Variants in ERBB4 observed in about 807,000 individuals in gnomAD.
ERBB4 encodes erb-b2 receptor tyrosine kinase 4.
Under a neutral mutation model 158.0 loss-of-function variants are expected in ERBB4, and 42 were observed. The observed-to-expected ratio is 0.27, with a 90% CI of 0.21 to 0.34. The LOEUF is 0.34. Ranked by LOEUF, ERBB4 falls within the 10% of genes least tolerant of loss-of-function variation. ERBB4 has a pLI of 1.00. For synonymous variants in ERBB4, 583 were observed against 558.7 expected (o/e 1.04, Z -0.61); for missense variants, 1,333 against 1,624.1 (o/e 0.82, Z 3.08).
At chr2:211,540,188 TTATA>T (rs571359851) in intron 20 of ERBB4, among the ~76,000 whole-genome samples, 1 of 143,908 alleles carries the variant, frequency 6.9e-6, no homozygotes. Context: ...CCTACATGAT[TTATA>T]TATATATATA....
rs2069736344 is a variant in ERBB4, at chr2:211,623,996, G to T, written c.2128C>A (p.Leu710Ile). 1 of 1,613,930 alleles carries T rather than the reference G, an allele frequency of 6.2e-7. No individual in the cohort carries two copies. The highest frequency in any genetic ancestry group is 1.3e-5 in the African/African-American group (1 of 74,904). Residue 710 changes from leucine (L) to isoleucine (I), a missense_variant, in exon 18 of 28, where the codon CTT becomes ATT. Leu to Ile is a conservative substitution (Grantham distance 5). Around this residue, in one of 5 missense-constraint regions of ERBB4, gnomAD observed 314 missense variants for 437.6 expected, o/e 0.72. Coordinates refer to ENST00000342788, the MANE Select transcript of ERBB4 (RefSeq NM_005235.3). ...AGCTCAGTTTCTTTCAAAATACGAAGTTGAGCTTGATTGGGTGCTGTGCCA... is the reference window on the plus strand; with the variant it reads ...AGCTCAGTTTCTTTCAAAATACGAATTTGAGCTTGATTGGGTGCTGTGCCA... Reference protein sequence around the residue: ...PSGTAPNQAQLRILKETELKR... With the variant: ...PSGTAPNQAQIRILKETELKR...
intron 1 of ERBB4, among the ~76,000 whole-genome samples, chr2:212,181,402 C>T (rs1251563919): frequency 6.6e-6 from 1 of 151,504 alleles, no homozygotes. Context: ...GGTTGCCACA[C>T]CACAGAATTA....
intron 20 of ERBB4, among the ~76,000 whole-genome samples, chr2:211,461,971 A>G (rs910788765): frequency 1.3e-5 from 2 of 152,126 alleles, no homozygotes; most frequent in African/African-American, 4.8e-5. Context: ...TGGTTTTGCC[A>G]TTTTATGGCA....
chr2:212,006,806 A>G (rs992121340), intron 2 of ERBB4, among the ~76,000 whole-genome samples: 8 of 152,094 alleles, frequency 5.3e-5, no homozygotes, highest in African/African-American at 1.7e-4. Flanking sequence ...TTAAAAAAGA[A>G]AAAAGAATTC....
chr2:211,831,391 G>A (rs558919196), intron 3 of ERBB4, among the ~76,000 whole-genome samples: 1 of 152,206 alleles, frequency 6.6e-6, no homozygotes, highest in African/African-American at 2.4e-5. Context: ...TCAGGGTCTT[G>A]TTAAAAACTT....
intron 2 of ERBB4, among the ~76,000 whole-genome samples, chr2:212,017,885 A>G (rs963970550): frequency 3.9e-5 from 6 of 152,042 alleles, no homozygotes; most frequent in Non-Finnish European, 8.8e-5. Flanking sequence ...CACACTGAAA[A>G]TTTTCTATCT....
intron 12 of ERBB4, among the ~76,000 whole-genome samples, chr2:211,701,608 A>G (rs1447844706): frequency 6.6e-6 from 1 of 151,640 alleles, no homozygotes; most frequent in Non-Finnish European, 1.5e-5. Context: ...TACCAAAAAA[A>G]TTAGCCGGGC....
At chr2:212,228,388 T>A (rs556040585) in intron 1 of ERBB4, among the ~76,000 whole-genome samples, 2 of 152,256 alleles carry the variant, frequency 1.3e-5, no homozygotes, top group South Asian at 4.1e-4. Context: ...ATACACAGTA[T>A]TGAGTTATGA....
At chr2:211,410,852 G>T (rs565094653) in intron 25 of ERBB4, among the ~76,000 whole-genome samples, 2 of 152,168 alleles carry the variant, frequency 1.3e-5, no homozygotes, top group Admixed American at 1.3e-4. Context: ...AGGAAGTCAG[G>T]GATAAATTAA....
At chr2:212,101,922 C>T (rs2079095852) in intron 2 of ERBB4, among the ~76,000 whole-genome samples, 1 of 151,460 alleles carries the variant, frequency 6.6e-6, no homozygotes, top group Non-Finnish European at 1.5e-5. Context: ...GTACATTTAC[C>T]TCCTTTCGGT....
At chr2:212,478,460 T>C (rs1343455938) in intron 1 of ERBB4, among the ~76,000 whole-genome samples, 2 of 151,618 alleles carry the variant, frequency 1.3e-5, no homozygotes, top group Non-Finnish European at 2.9e-5. Flanking sequence ...GCAAAAGTTA[T>C]GAATAAATAT....
At chr2:212,230,570 A>G (rs927476018) in intron 1 of ERBB4, among the ~76,000 whole-genome samples, 3 of 152,220 alleles carry the variant, frequency 2.0e-5, no homozygotes, top group African/African-American at 7.2e-5. Context: ...ATGTTAAAAT[A>G]CAGAAAATAT....
intron 2 of ERBB4, among the ~76,000 whole-genome samples, chr2:212,054,984 A>C (rs2077510574): frequency 6.6e-6 from 1 of 152,098 alleles, no homozygotes; most frequent in Non-Finnish European, 1.5e-5. Flanking sequence ...ACTGAGCGAG[A>C]GCCAAAGTAG....
chr2:212,451,286 A>G (rs1271965732), intron 1 of ERBB4, among the ~76,000 whole-genome samples: 1 of 152,342 alleles, frequency 6.6e-6, no homozygotes, highest in East Asian at 1.9e-4. Context: ...CACTGTGTAT[A>G]CAAAATGAAA....
chr2:212,515,482 A>C (rs1357479777), intron 1 of ERBB4, among the ~76,000 whole-genome samples: 3 of 152,056 alleles, frequency 2.0e-5, no homozygotes, highest in Non-Finnish European at 2.9e-5. Context: ...AATTCATGCT[A>C]TCATATAAAA....
At chr2:212,347,084 G>T (rs1224583808) in intron 1 of ERBB4, among the ~76,000 whole-genome samples, 1 of 152,048 alleles carries the variant, frequency 6.6e-6, no homozygotes, top group Non-Finnish European at 1.5e-5. Flanking sequence ...TGCTAACATT[G>T]TAAGATACAG....
chr2:211,935,649 C>T (rs763642642), intron 3 of ERBB4, among the ~76,000 whole-genome samples: 17 of 152,066 alleles, frequency 1.1e-4, no homozygotes, highest in Non-Finnish European at 1.9e-4. Context: ...AGGTCACCAG[C>T]ATCCGAGGGT....
At chr2:212,367,629 C>G (rs2089938809) in intron 1 of ERBB4, among the ~76,000 whole-genome samples, 1 of 152,050 alleles carries the variant, frequency 6.6e-6, no homozygotes, top group African/African-American at 2.4e-5. Context: ...GCAAAAGGAA[C>G]AGTCAGCAGA....
chr2:211,407,782 G>T (rs546115654), intron 25 of ERBB4, among the ~76,000 whole-genome samples: 132 of 152,292 alleles, frequency 8.7e-4, no homozygotes, highest in African/African-American at 3.0e-3. Flanking sequence ...ACTGAAAAGA[G>T]AACTTTTCAT....
Sources: gnomAD v4.1 joint callset for allele counts (sites outside exome capture counted in the v4.1 genomes callset) on GRCh38, gnomAD v4.1.1 for gene constraint, gnomAD v4.1.1 regional missense constraint, MANE v1.5 for transcripts, NCBI Gene and HGNC (gene_info 2026-07-23, HGNC 2026-07-21) for gene names.